SNTG1: variants seen among roughly 807,000 people sequenced by gnomAD.
The protein encoded by SNTG1 is gamma-1-syntrophin.
A neutral mutation model predicts 74.7 loss-of-function variants in SNTG1; 39 were observed. The observed-to-expected ratio is 0.52, with a 90% CI of 0.40 to 0.68. The LOEUF (loss-of-function observed/expected upper bound fraction) is 0.68. Ranked by LOEUF, SNTG1 falls within the 30% of genes least tolerant of loss-of-function variation. SNTG1 has a pLI of 0.00. For synonymous variants in SNTG1, 254 were observed against 217.1 expected (o/e 1.17, Z -1.49); for missense variants, 685 against 609.5 (o/e 1.12, Z -1.30).
intron 13 of SNTG1, among the ~76,000 whole-genome samples, chr8:50,602,720 T>G (rs972326948): frequency 2.0e-5 from 3 of 152,186 alleles, no homozygotes; most frequent in Non-Finnish European, 2.9e-5. Flanking sequence ...AGCTTTTGTT[T>G]GTCTGGGAAG....
intron 2 of SNTG1, among the ~76,000 whole-genome samples, chr8:50,357,725 G>C (rs1302885071): frequency 2.0e-5 from 3 of 152,136 alleles, no homozygotes; most frequent in Non-Finnish European, 4.4e-5. Flanking sequence ...ATATTTCTCA[G>C]TAGACTGATA....
At chr8:50,464,115 A>G (rs2093589657) in intron 8 of SNTG1, among the ~76,000 whole-genome samples, 1 of 152,110 alleles carries the variant, frequency 6.6e-6, no homozygotes, top group South Asian at 2.1e-4. Flanking sequence ...CTTGCTCTGG[A>G]TTAGGCTTTG....
intron 1 of SNTG1, among the ~76,000 whole-genome samples, chr8:50,045,611 C>G (rs940525352): frequency 1.3e-5 from 2 of 152,078 alleles, no homozygotes; most frequent in African/African-American, 4.8e-5. Flanking sequence ...TCCTCAGTTT[C>G]TTCATTTCTA....
chr8:50,677,800 T>G (rs1436566575), intron 15 of SNTG1, among the ~76,000 whole-genome samples: 2 of 152,058 alleles, frequency 1.3e-5, no homozygotes, highest in Non-Finnish European at 2.9e-5. Context: ...TAGAATATAT[T>G]TTTAATGATA....
At chr8:50,168,518 A>T (rs1417063879) in intron 1 of SNTG1, among the ~76,000 whole-genome samples, 3 of 152,172 alleles carry the variant, frequency 2.0e-5, no homozygotes, top group Non-Finnish European at 4.4e-5. Flanking sequence ...TAGTTGACAA[A>T]GACAAAACCT....
chr8:50,432,817 T>C (rs2093253655), intron 4 of SNTG1, among the ~76,000 whole-genome samples: 1 of 152,070 alleles, frequency 6.6e-6, no homozygotes, highest in South Asian at 2.1e-4. Flanking sequence ...TTTGAGACTC[T>C]GTCTCACTCT....
chr8:50,357,889 T>C (rs2091861182), intron 2 of SNTG1, among the ~76,000 whole-genome samples: 1 of 152,212 alleles, frequency 6.6e-6, no homozygotes, highest in African/African-American at 2.4e-5. Context: ...CCAGCATTTC[T>C]TGTCAATAAT....
chr8:50,639,094 A>G (rs1414517353), intron 13 of SNTG1, among the ~76,000 whole-genome samples: 1 of 152,048 alleles, frequency 6.6e-6, no homozygotes, highest in Non-Finnish European at 1.5e-5. Context: ...CCTGATATTA[A>G]GAAGGAGACA....
At chr8:50,584,858 C>T (rs541523453) in intron 12 of SNTG1, among the ~76,000 whole-genome samples, 69 of 152,202 alleles carry the variant, frequency 4.5e-4, no homozygotes, top group African/African-American at 1.6e-3. Flanking sequence ...TGGAGCTGCC[C>T]TTCTGCTGTG....
chr8:50,356,298 C>A (rs529739553), intron 2 of SNTG1, among the ~76,000 whole-genome samples: 1 of 152,178 alleles, frequency 6.6e-6, no homozygotes, highest in African/African-American at 2.4e-5. Context: ...CTGGGTTTCC[C>A]ATCTCCCTTC....
chr8:49,974,623 T>C (rs1208289111), intron 1 of SNTG1, among the ~76,000 whole-genome samples: 1 of 152,176 alleles, frequency 6.6e-6, no homozygotes, highest in Non-Finnish European at 1.5e-5. Flanking sequence ...CAGTGATTTG[T>C]ATAGGCTGTG....
At chr8:50,230,589 G>C (rs73577238) in intron 2 of SNTG1, among the ~76,000 whole-genome samples, 4,258 of 151,330 alleles carry the variant, frequency 0.028, 188 homozygotes, top group African/African-American at 0.093. Flanking sequence ...GCAATCTATA[G>C]GACAAGATCG....
At chr8:50,436,310 A>G (rs368082670) in intron 4 of SNTG1, among the ~76,000 whole-genome samples, 1 of 152,188 alleles carries the variant, frequency 6.6e-6, no homozygotes, top group Non-Finnish European at 1.5e-5. Context: ...CAGTTTACCT[A>G]TCTATTTTGT....
At chr8:50,345,021 G>C (rs2091431153) in intron 2 of SNTG1, among the ~76,000 whole-genome samples, 1 of 152,132 alleles carries the variant, frequency 6.6e-6, no homozygotes. Flanking sequence ...GCAAGCCAAG[G>C]GGAGGCCTTG....
intron 1 of SNTG1, among the ~76,000 whole-genome samples, chr8:50,098,327 T>A (rs1252205802): frequency 6.6e-6 from 1 of 152,204 alleles, no homozygotes; most frequent in East Asian, 1.9e-4. Context: ...GTGGGCCCTT[T>A]GTATCGCTAG....
intron 2 of SNTG1, among the ~76,000 whole-genome samples, chr8:50,367,274 C>T (rs1007200519): frequency 6.6e-6 from 1 of 150,554 alleles, no homozygotes; most frequent in Admixed American, 6.6e-5. Context: ...GTCTCTTGAC[C>T]ACCAAGAAGT....
intron 1 of SNTG1, among the ~76,000 whole-genome samples, chr8:49,941,218 A>G (rs1808655954): frequency 6.6e-6 from 1 of 151,996 alleles, no homozygotes; most frequent in Non-Finnish European, 1.5e-5. Context: ...TATGAATATA[A>G]CAACTCCAGC....
At chr8:50,764,564 A>G (rs905155060) in intron 18 of SNTG1, among the ~76,000 whole-genome samples, 2 of 151,980 alleles carry the variant, frequency 1.3e-5, no homozygotes, top group Non-Finnish European at 2.9e-5. Flanking sequence ...GGAAAATTAG[A>G]AACTCAATGG....
chr8:49,956,677 CT>C (rs910286771), intron 1 of SNTG1, among the ~76,000 whole-genome samples: 4 of 151,222 alleles, frequency 2.6e-5, no homozygotes, highest in South Asian at 4.2e-4. Flanking sequence ...TTTCATTTCT[CT>C]TTTTTTTTAA....
Sources: gnomAD v4.1 joint callset for allele counts (sites outside exome capture counted in the v4.1 genomes callset) on GRCh38, gnomAD v4.1.1 for gene constraint, MANE v1.5 for transcripts, NCBI Gene and HGNC (gene_info 2026-07-23, HGNC 2026-07-21) for gene names.